The following DLG2 variants were observed in gnomAD, a reference collection of about 807,000 sequenced individuals.
DLG2 encodes discs large MAGUK scaffold protein 2.
In DLG2, 45 loss-of-function variants were observed where a neutral mutation model predicts 132.5. That is an observed-to-expected ratio of 0.34 (90% confidence interval 0.27 to 0.44). DLG2 has a LOEUF of 0.44. Ranked by LOEUF, DLG2 falls within the 20% of genes least tolerant of loss-of-function variation. The pLI, the probability that DLG2 is intolerant of heterozygous loss-of-function variation, is 1.00. For missense variants in DLG2, 1,045 were observed against 1,196.9 expected, an observed-to-expected ratio of 0.87 and a Z score of 1.87; for synonymous variants, 424 against 419.6, an observed-to-expected ratio of 1.01 and a Z score of -0.13.
chr11:84,628,408 T>C (rs1278421371), intron 6 of DLG2, among the ~76,000 whole-genome samples: 2 of 152,194 alleles, frequency 1.3e-5, no homozygotes, highest in Non-Finnish European at 2.9e-5. Flanking sequence ...CCTTGAGATA[T>C]TTGATGTTTG....
At chr11:84,295,626 C>T (rs1259593791) in intron 7 of DLG2, among the ~76,000 whole-genome samples, 7 of 152,242 alleles carry the variant, frequency 4.6e-5, no homozygotes, top group African/African-American at 1.4e-4. Flanking sequence ...GATGTAGACA[C>T]TAAGATTCTG....
chr11:84,806,411 T>C (rs1189129088), intron 6 of DLG2, among the ~76,000 whole-genome samples: 1 of 151,958 alleles, frequency 6.6e-6, no homozygotes, highest in Non-Finnish European at 1.5e-5. Context: ...AAACTAAAGA[T>C]AAAAAATTCA....
intron 16 of DLG2, among the ~76,000 whole-genome samples, chr11:83,862,820 A>G (rs2061669024): frequency 6.6e-6 from 1 of 152,152 alleles, no homozygotes; most frequent in Non-Finnish European, 1.5e-5. Context: ...CACTTAGGGA[A>G]TATAATTCCC....
intron 6 of DLG2, among the ~76,000 whole-genome samples, chr11:84,644,191 C>T (rs2099671640): frequency 6.6e-6 from 1 of 152,126 alleles, no homozygotes; most frequent in Non-Finnish European, 1.5e-5. Context: ...AAAGGTCCAT[C>T]TATGTATTCT....
chr11:83,966,203 C>T lies in DLG2; in HGVS notation c.1057-735G>A, dbSNP rs147694373. Among the ~76,000 whole-genome samples the T allele has an allele frequency of 3.8e-4, 58 of 152,052 alleles. 1 individual carries two copies. The highest frequency in any genetic ancestry group is 1.3e-3 in the African/African-American group (56 of 41,546). ...GCTTTTGATACCTAGTGTGAAAATG[C>T]CTGTTTCCCTCTGGAAAGATGAACC... On this transcript the variant is annotated intron_variant, in intron 12 of 27. Transcript: ENST00000376104.
chr11:83,628,585 A>G (rs2063020776), intron 19 of DLG2, among the ~76,000 whole-genome samples: 1 of 152,190 alleles, frequency 6.6e-6, no homozygotes, highest in African/African-American at 2.4e-5. Context: ...ATTCTATGGG[A>G]TAATACATGT....
chr11:85,488,129 G>A (rs1045717391), intron 3 of DLG2, among the ~76,000 whole-genome samples: 6 of 152,256 alleles, frequency 3.9e-5, no homozygotes, highest in South Asian at 2.1e-4. Flanking sequence ...AGTGGCTCAC[G>A]CCTGTGATCC....
intron 6 of DLG2, among the ~76,000 whole-genome samples, chr11:85,016,213 C>T (rs1007027523): frequency 6.6e-6 from 1 of 151,988 alleles, no homozygotes; most frequent in Non-Finnish European, 1.5e-5. Context: ...CTCTTTTGCA[C>T]CTATGTTATT....
At chr11:85,069,597 A>G (rs11234285) in intron 6 of DLG2, among the ~76,000 whole-genome samples, 1 of 152,194 alleles carries the variant, frequency 6.6e-6, no homozygotes, top group Non-Finnish European at 1.5e-5. Context: ...TCAAAACCAC[A>G]ATGAGATACC....
At chr11:83,960,793 T>C (rs2154155333) in intron 14 of DLG2, among the ~76,000 whole-genome samples, 1 of 152,126 alleles carries the variant, frequency 6.6e-6, no homozygotes, top group South Asian at 2.1e-4. Flanking sequence ...CTGAGACCCA[T>C]GGTAACGCCT....
At chr11:83,467,555 C>T (rs1431223026) in intron 25 of DLG2, among the ~76,000 whole-genome samples, 2 of 151,376 alleles carry the variant, frequency 1.3e-5, no homozygotes, top group African/African-American at 4.9e-5. Context: ...TCGAGACCAG[C>T]CTGACCAAAA....
chr11:84,719,846 T>TA (rs1344347757), intron 6 of DLG2, among the ~76,000 whole-genome samples: 2 of 152,122 alleles, frequency 1.3e-5, no homozygotes, highest in Non-Finnish European at 2.9e-5. Flanking sequence ...CTGTTTATCT[T>TA]AAAAAATGTC....
At chr11:84,134,604 A>G (rs1246148350) in intron 9 of DLG2, among the ~76,000 whole-genome samples, 2 of 151,988 alleles carry the variant, frequency 1.3e-5, no homozygotes, top group Non-Finnish European at 2.9e-5. Flanking sequence ...TACAGTTCCC[A>G]CCACCAAAGA....
intron 6 of DLG2, among the ~76,000 whole-genome samples, chr11:84,814,690 C>T (rs1213279049): frequency 6.6e-6 from 1 of 152,070 alleles, no homozygotes; most frequent in East Asian, 1.9e-4. Context: ...ATCTACTTCC[C>T]CACTTCACCC....
At chr11:84,844,871 T>A (rs2081262976) in intron 6 of DLG2, among the ~76,000 whole-genome samples, 1 of 152,194 alleles carries the variant, frequency 6.6e-6, no homozygotes, top group African/African-American at 2.4e-5. Context: ...ATGTATTACT[T>A]ATGTGAACAT....
chr11:85,491,947 C>G (rs996464763), intron 3 of DLG2, among the ~76,000 whole-genome samples: 1 of 149,198 alleles, frequency 6.7e-6, no homozygotes, highest in Admixed American at 6.6e-5. Context: ...CAATATTAAG[C>G]AAGATGATCA....
At chr11:84,903,465 C>T (rs747921959) in intron 6 of DLG2, among the ~76,000 whole-genome samples, 5 of 152,208 alleles carry the variant, frequency 3.3e-5, no homozygotes, top group Non-Finnish European at 7.4e-5. Context: ...GATATAAGCA[C>T]ATAGGTACCA....
At chr11:84,676,975 G>A (rs2099713584) in intron 6 of DLG2, among the ~76,000 whole-genome samples, 2 of 151,992 alleles carry the variant, frequency 1.3e-5, no homozygotes, top group Non-Finnish European at 2.9e-5. Context: ...TTGGTGACTG[G>A]AGATAACAAT....
chr11:83,478,180 T>A (rs901838957), intron 22 of DLG2, among the ~76,000 whole-genome samples: 2 of 152,138 alleles, frequency 1.3e-5, no homozygotes, highest in Non-Finnish European at 2.9e-5. Flanking sequence ...ACCGAATGAA[T>A]AAATAAACAT....
Sources: allele counts gnomAD v4.1 joint callset (sites outside exome capture counted in the v4.1 genomes callset), GRCh38; gene constraint gnomAD v4.1.1; transcripts MANE v1.5; gene names NCBI Gene and HGNC (gene_info 2026-07-23, HGNC 2026-07-21).